IFT88: variants seen among roughly 807,000 people sequenced by gnomAD.
The protein encoded by IFT88 is intraflagellar transport protein 88 homolog.
Under a neutral mutation model 119.5 loss-of-function variants are expected in IFT88, and 74 were observed. The observed-to-expected ratio is 0.62, with a 90% CI of 0.51 to 0.75. The LOEUF (loss-of-function observed/expected upper bound fraction) is 0.75, where lower values mean the gene tolerates loss of function less well. Ranked by LOEUF, IFT88 falls within the 30% of genes least tolerant of loss-of-function variation. The pLI, the probability that IFT88 is intolerant of heterozygous loss-of-function variation, is 0.00. For synonymous variants in IFT88, 279 were observed against 316.7 expected, an observed-to-expected ratio of 0.88 and a Z score of 1.26; for missense variants, 961 against 977.7, an observed-to-expected ratio of 0.98 and a Z score of 0.23.
At chr13:20,634,667 G>T (rs1461536233) in intron 16 of IFT88, among the ~76,000 whole-genome samples, 2 of 151,746 alleles carry the variant, frequency 1.3e-5, no homozygotes, top group African/African-American at 2.4e-5. Flanking sequence ...GGCAGAGGTT[G>T]CAGTGAGCCA....
chr13:20,583,003 A>G lies in IFT88; in HGVS notation c.137A>G (p.His46Arg), dbSNP rs2038988726. The change falls in exon 3 of 26, where the codon CAT becomes CGT. Residue 46 changes from histidine (H) to arginine (R), a missense_variant. His to Arg is a conservative substitution (Grantham distance 29). Transcript: ENST00000351808. ...TTTCAGCAAGCTGTGAGGACTAGTC[A>G]TGGCAGAAGACCTCCAGTAAGTGAA... ...AAFQQAVRTS[H>R]GRRPPITAKI... 1 of 1,609,834 alleles carries G rather than the reference A, an allele frequency of 6.2e-7. No homozygotes were observed. Among genetic ancestry groups the G allele is most frequent in the Non-Finnish European group, 8.5e-7 (1 of 1,177,994 alleles).
chr13:20,649,341 A>G (rs1441854706), intron 20 of IFT88, among the ~76,000 whole-genome samples: 1 of 152,212 alleles, frequency 6.6e-6, no homozygotes, highest in African/African-American at 2.4e-5. Flanking sequence ...CTAGAAATTA[A>G]TAACAGAAGG....
At chr13:20,687,033 A>C (rs988491609) in intron 24 of IFT88, among the ~76,000 whole-genome samples, 1 of 151,004 alleles carries the variant, frequency 6.6e-6, no homozygotes, top group Admixed American at 6.6e-5. Context: ...AAAAAAAAAA[A>C]AAAAAAAAAA....
At chr13:20,618,871 T>A (rs1259495496) in intron 14 of IFT88, among the ~76,000 whole-genome samples, 4 of 151,864 alleles carry the variant, frequency 2.6e-5, no homozygotes, top group African/African-American at 7.3e-5. Context: ...CTTTTTTTTT[T>A]TTGAGATGGA....
rs1273775018 is a variant in IFT88 at position 20,669,151 on chromosome 13, G to A, written c.2176-1822G>A. On this transcript the variant is annotated intron_variant, in intron 23 of 25. Coordinates refer to ENST00000351808, the MANE Select transcript of IFT88 (RefSeq NM_006531.5). ...TAGTTCCAATGTGGCGTCATGGCAC[G>A]TGGTAGGCCTTGATTCTAGGCTGGA... is the stretch of plus-strand genomic sequence containing the variant. Among the ~76,000 whole-genome samples, 10 of 152,194 alleles carry A rather than the reference G, an allele frequency of 6.6e-5. No individual in the cohort carries two copies. In the South Asian group the frequency reaches 1.7e-3, roughly 25 times the overall value.
At chr13:20,583,595 ATG>A (rs1311481261) in intron 3 of IFT88, among the ~76,000 whole-genome samples, 1 of 152,168 alleles carries the variant, frequency 6.6e-6, no homozygotes, top group Non-Finnish European at 1.5e-5. Context: ...TTTCACACTG[ATG>A]TGTCCTTTGA....
chr13:20,608,059 G>A (rs981013407), intron 13 of IFT88: 14 of 534,716 alleles, frequency 2.6e-5, no homozygotes, highest in African/African-American at 5.8e-5. Flanking sequence ...CCCCCAGCAC[G>A]GGGACTATCA....
intron 2 of IFT88, among the ~76,000 whole-genome samples, chr13:20,576,606 C>T (rs1233012980): frequency 2.6e-5 from 4 of 152,172 alleles, no homozygotes; most frequent in Non-Finnish European, 5.9e-5. Context: ...ATTTTCTCAG[C>T]ACCATTTATT....
chr13:20,594,862 A>G (rs914507158), intron 7 of IFT88, among the ~76,000 whole-genome samples: 9 of 152,308 alleles, frequency 5.9e-5, no homozygotes, highest in Admixed American at 1.3e-4. Flanking sequence ...ATGCTGCTCA[A>G]TTTATTTCTA....
In IFT88 at chr13:20,596,995, A is replaced by AG. The variant is rs1332552171; in HGVS notation, c.490-18dup. On this transcript the variant is annotated intron_variant, in intron 8 of 25. Transcript: ENST00000351808. The stretch of plus-strand genomic sequence containing the variant: ...TGATGAACACTCAAAGGAAGTTACA[A>AG]GGTATAAATCTGATTTCAGGCCTTA... 3.6e-6 allele frequency: 5 copies of AG among 1,387,074 alleles called. No homozygotes were observed. The highest frequency in any genetic ancestry group is 5.0e-6 in the Non-Finnish European group (5 of 1,001,926). The allele number at this position is 1,387,074 out of a possible 1,614,324, so 85.9% of individuals were successfully genotyped here. A position where few individuals can be genotyped will look rare whatever the true frequency, so the allele number is the denominator to read the frequency against.
chr13:20,594,114 C>T (rs1474255240), intron 7 of IFT88, among the ~76,000 whole-genome samples: 3 of 151,416 alleles, frequency 2.0e-5, no homozygotes, highest in African/African-American at 7.3e-5. Flanking sequence ...TATTATCTCA[C>T]ATAATAGGAA....
intron 14 of IFT88, among the ~76,000 whole-genome samples, chr13:20,619,222 A>G (rs2046127897): frequency 6.6e-6 from 1 of 152,232 alleles, no homozygotes; most frequent in African/African-American, 2.4e-5. Context: ...CAGCTCAACG[A>G]TACATCACAA....
intron 24 of IFT88, among the ~76,000 whole-genome samples, chr13:20,686,379 A>C (rs2057916291): frequency 6.6e-6 from 1 of 152,240 alleles, no homozygotes; most frequent in Non-Finnish European, 1.5e-5. Context: ...GTATGACATC[A>C]TGGAAATTAT....
chr13:20,654,323 A>G (rs143042735), intron 21 of IFT88, among the ~76,000 whole-genome samples: 22 of 152,324 alleles, frequency 1.4e-4, no homozygotes, highest in African/African-American at 4.8e-4. Context: ...AAAAGCTCAC[A>G]CTGAGACAAG....
chr13:20,679,016 T>C (rs184232527), intron 24 of IFT88, among the ~76,000 whole-genome samples: 81 of 152,370 alleles, frequency 5.3e-4, no homozygotes, highest in African/African-American at 1.9e-3. Flanking sequence ...CAGATGTGCC[T>C]GAGAGGCTTG....
chr13:20,648,535 G>A (rs1452273035), intron 20 of IFT88, among the ~76,000 whole-genome samples: 1 of 151,516 alleles, frequency 6.6e-6, no homozygotes, highest in Non-Finnish European at 1.5e-5. Context: ...AAAAGTATTA[G>A]GAAAATAACT....
At chr13:20,572,066 A>G (rs905810887) in intron 1 of IFT88, among the ~76,000 whole-genome samples, 2 of 151,910 alleles carry the variant, frequency 1.3e-5, no homozygotes, top group African/African-American at 4.8e-5. Flanking sequence ...TTTTTCCCTC[A>G]ACATTTCATT....
At chr13:20,666,182 G>A (rs2054645589) in intron 23 of IFT88, among the ~76,000 whole-genome samples, 3 of 152,182 alleles carry the variant, frequency 2.0e-5, no homozygotes, top group African/African-American at 7.2e-5. Context: ...GATCTGGAAT[G>A]GATGTTTACC....
At chr13:20,568,057 T>C in intron 1 of IFT88, 1 of 709,696 alleles carries the variant, frequency 1.4e-6, no homozygotes. Flanking sequence ...TCCAGAAAGT[T>C]TACGAATTTG....
Sources: gnomAD v4.1 joint callset for allele counts (sites outside exome capture counted in the v4.1 genomes callset) on GRCh38, gnomAD v4.1.1 for gene constraint, MANE v1.5 for transcripts, NCBI Gene and HGNC (gene_info 2026-07-23, HGNC 2026-07-21) for gene names.